KCNIP4: variants seen among roughly 807,000 people sequenced by gnomAD.
KCNIP4 encodes the protein potassium voltage-gated channel interacting protein 4.
In KCNIP4, 12 loss-of-function variants were observed where a neutral mutation model predicts 34.0. The ratio of observed to expected loss-of-function variants is 0.35; its 90% CI spans 0.23 to 0.57. The LOEUF is 0.57. Ranked by LOEUF, KCNIP4 falls within the 20% of genes least tolerant of loss-of-function variation. The probability of loss-of-function intolerance (pLI) is 0.83; values close to 1 mark genes in which losing one functional copy is unlikely to be tolerated. For missense variants in KCNIP4, 238 were observed against 311.7 expected, an observed-to-expected ratio of 0.76 and a Z score of 1.78; for synonymous variants, 124 against 102.2, an observed-to-expected ratio of 1.21 and a Z score of -1.29.
intron 1 of KCNIP4, among the ~76,000 whole-genome samples, chr4:21,240,995 C>A (rs574838518): frequency 3.1e-4 from 47 of 151,946 alleles, no homozygotes; most frequent in African/African-American, 1.1e-3. Flanking sequence ...CCAAATTAGG[C>A]CAAAATAAGG....
At chr4:21,309,450 C>T (rs1430095680) in intron 1 of KCNIP4, among the ~76,000 whole-genome samples, 1 of 152,008 alleles carries the variant, frequency 6.6e-6, no homozygotes, top group Non-Finnish European at 1.5e-5. Context: ...TCACTTGTAG[C>T]CCATAAATAT....
At chr4:21,131,533 C>T (rs1751072759) in intron 1 of KCNIP4, among the ~76,000 whole-genome samples, 1 of 152,122 alleles carries the variant, frequency 6.6e-6, no homozygotes, top group Non-Finnish European at 1.5e-5. Context: ...CGGAGTGAAC[C>T]CGGGAGGCGG....
intron 1 of KCNIP4, among the ~76,000 whole-genome samples, chr4:21,201,802 A>G (rs1262472053): frequency 6.6e-6 from 1 of 152,172 alleles, no homozygotes; most frequent in Admixed American, 6.5e-5. Flanking sequence ...CCGGCCCATC[A>G]CAGGTATTTT....
chr4:21,707,459 T>C (rs1044178203), intron 1 of KCNIP4, among the ~76,000 whole-genome samples: 2 of 152,156 alleles, frequency 1.3e-5, no homozygotes, highest in Admixed American at 6.6e-5. Flanking sequence ...TTGTTATTCA[T>C]GAGTGTTCAG....
chr4:21,948,259 A>T (rs945964690), intron 1 of KCNIP4, among the ~76,000 whole-genome samples: 2 of 152,230 alleles, frequency 1.3e-5, no homozygotes, highest in Admixed American at 1.3e-4. Flanking sequence ...TGGCAGATGC[A>T]TAAACAACCT....
intron 1 of KCNIP4, among the ~76,000 whole-genome samples, chr4:21,485,822 C>T (rs1179068748): frequency 6.6e-6 from 1 of 152,114 alleles, no homozygotes. Flanking sequence ...TTGGCTTATT[C>T]CTGAATCCCT....
chr4:21,327,797 A>G (rs539439535), intron 1 of KCNIP4, among the ~76,000 whole-genome samples: 7 of 151,868 alleles, frequency 4.6e-5, no homozygotes, highest in Admixed American at 2.0e-4. Context: ...CTTCAAGCTC[A>G]CTAATTCTTT....
chr4:21,311,735 C>T (rs1713211075), intron 1 of KCNIP4, among the ~76,000 whole-genome samples: 1 of 152,000 alleles, frequency 6.6e-6, no homozygotes, highest in Non-Finnish European at 1.5e-5. Context: ...CTATCTTGAA[C>T]ACTGATATTT....
At chr4:21,275,918 C>T (rs534590109) in intron 1 of KCNIP4, among the ~76,000 whole-genome samples, 9 of 152,190 alleles carry the variant, frequency 5.9e-5, no homozygotes, top group Non-Finnish European at 1.2e-4. Flanking sequence ...TTGGGCCAGA[C>T]ATAAAATACA....
At chr4:21,519,785 ATGTGTGTGTATACACGTGTG>A (rs1735347936) in intron 1 of KCNIP4, among the ~76,000 whole-genome samples, 1 of 128,576 alleles carries the variant, frequency 7.8e-6, no homozygotes, top group East Asian at 2.5e-4. Flanking sequence ...ACGTGTGTGT[ATGTGTGTGTATACACGTGTG>A]TGTATGTGTG....
intron 3 of KCNIP4, among the ~76,000 whole-genome samples, chr4:20,789,954 C>G (rs1423173752): frequency 6.6e-6 from 1 of 152,094 alleles, no homozygotes; most frequent in Non-Finnish European, 1.5e-5. Flanking sequence ...ACTTAAAACA[C>G]AGTCATGTAT....
chr4:21,568,340 T>C (rs535893853), intron 1 of KCNIP4, among the ~76,000 whole-genome samples: 1 of 152,202 alleles, frequency 6.6e-6, no homozygotes, highest in Admixed American at 6.5e-5. Context: ...AAAGGAGATA[T>C]TTGGACATAG....
chr4:20,787,125 A>T lies in KCNIP4; in HGVS notation c.289-28235T>A, dbSNP rs573542793. On this transcript the variant is annotated intron_variant, in intron 3 of 8. Coordinates refer to ENST00000382152, the MANE Select transcript of KCNIP4 (RefSeq NM_025221.6). ...TTGGCAAAGGGGCCCTTCTGAGATG[A>T]TGCATAGGCAGACAGTTTAGATACA... Among the ~76,000 whole-genome samples the T allele has an allele frequency of 1.3e-3, 195 of 152,320 alleles. 4 individuals carry two copies. In the South Asian group the frequency reaches 0.039, roughly 30 times the overall value.
At chr4:20,883,642 C>T (rs927778868) in intron 1 of KCNIP4, among the ~76,000 whole-genome samples, 3 of 152,180 alleles carry the variant, frequency 2.0e-5, no homozygotes, top group Non-Finnish European at 4.4e-5. Flanking sequence ...CAATTTAAAT[C>T]GAGGTTCTAC....
At chr4:21,208,432 A>G (rs1435356001) in intron 1 of KCNIP4, among the ~76,000 whole-genome samples, 1 of 152,190 alleles carries the variant, frequency 6.6e-6, no homozygotes, top group African/African-American at 2.4e-5. Flanking sequence ...CCAAAATAGC[A>G]GACAAAATAG....
At chr4:21,185,965 C>A (rs1755194487) in intron 1 of KCNIP4, among the ~76,000 whole-genome samples, 1 of 152,178 alleles carries the variant, frequency 6.6e-6, no homozygotes, top group African/African-American at 2.4e-5. Flanking sequence ...CTGAGTACAT[C>A]TTGCAAACCA....
chr4:21,042,879 A>G (rs911972644), intron 1 of KCNIP4, among the ~76,000 whole-genome samples: 3 of 152,190 alleles, frequency 2.0e-5, no homozygotes, highest in Admixed American at 6.5e-5. Context: ...TGGGGGAAAA[A>G]AAGGATAATA....
At chr4:21,947,343 A>G (rs1034614001) in intron 1 of KCNIP4, among the ~76,000 whole-genome samples, 8 of 152,346 alleles carry the variant, frequency 5.3e-5, no homozygotes, top group Middle Eastern at 3.4e-3. Flanking sequence ...AAGTGAAAAC[A>G]GAACTAAACA....
chr4:20,899,217 T>C (rs1726893222), intron 1 of KCNIP4, among the ~76,000 whole-genome samples: 1 of 152,218 alleles, frequency 6.6e-6, no homozygotes, highest in Non-Finnish European at 1.5e-5. Flanking sequence ...TCTAATGCTT[T>C]AATCCTAAAT....
Sources: allele counts gnomAD v4.1 joint callset (sites outside exome capture counted in the v4.1 genomes callset), GRCh38; gene constraint gnomAD v4.1.1; transcripts MANE v1.5; gene names NCBI Gene and HGNC (gene_info 2026-07-23, HGNC 2026-07-21).